The following RYR2 variants were observed in gnomAD, a reference collection of about 807,000 sequenced individuals.
RYR2 encodes ryanodine receptor 2, also known as cardiac muscle ryanodine receptor-calcium release channel.
In RYR2, 227 loss-of-function variants were observed where a neutral mutation model predicts 601.1. That is an observed-to-expected ratio of 0.38 (90% CI 0.34 to 0.42). The LOEUF (loss-of-function observed/expected upper bound fraction) is 0.42, where lower values mean the gene tolerates loss of function less well. Ranked by LOEUF, RYR2 falls within the 10% of genes least tolerant of loss-of-function variation. The probability of loss-of-function intolerance (pLI) is 1.00; values close to 1 mark genes in which losing one functional copy is unlikely to be tolerated. For missense variants in RYR2, 4,646 were observed against 6,156.5 expected (o/e 0.75, Z 8.21); for synonymous variants, 2,223 against 2,175.1 (o/e 1.02, Z -0.61).
At chr1:237,062,351 A>G (rs1040566044) in intron 1 of RYR2, among the ~76,000 whole-genome samples, 2 of 152,000 alleles carry the variant, frequency 1.3e-5, no homozygotes, top group Non-Finnish European at 2.9e-5. Context: ...CGATATTAAG[A>G]CTCCCAATCT....
chr1:237,478,000 G>T (rs1025316539), intron 17 of RYR2, among the ~76,000 whole-genome samples: 5 of 152,152 alleles, frequency 3.3e-5, no homozygotes, highest in East Asian at 1.9e-4. Context: ...CCCATGAAAG[G>T]TACCTGCTCT....
At chr1:237,191,282 T>G (rs1679943112) in intron 1 of RYR2, among the ~76,000 whole-genome samples, 1 of 152,208 alleles carries the variant, frequency 6.6e-6, no homozygotes, top group African/African-American at 2.4e-5. Context: ...TAAGTTTCTG[T>G]GCCACTACCA....
At chr1:237,242,430 A>G (rs1452134094) in intron 1 of RYR2, among the ~76,000 whole-genome samples, 1 of 152,086 alleles carries the variant, frequency 6.6e-6, no homozygotes, top group Non-Finnish European at 1.5e-5. Context: ...AGACCAGGAC[A>G]ATTTTAGGAT....
At chr1:237,363,347 T>G (rs1298552911) in intron 4 of RYR2, among the ~76,000 whole-genome samples, 1 of 152,112 alleles carries the variant, frequency 6.6e-6, no homozygotes, top group Non-Finnish European at 1.5e-5. Flanking sequence ...GAAAGCTTCT[T>G]TACAATTTTT....
intron 8 of RYR2, among the ~76,000 whole-genome samples, chr1:237,378,288 G>A (rs182151529): frequency 1.3e-5 from 2 of 152,262 alleles, no homozygotes; most frequent in African/African-American, 2.4e-5. Flanking sequence ...GGACACAGCC[G>A]AACCATATCA....
rs748762074 is a variant in RYR2 at position 237,496,650 on chromosome 1, G to C, written c.2101G>C (p.Glu701Gln). 6.2e-7 allele frequency: 1 copy of C among 1,613,968 alleles called. No homozygotes were observed. Among genetic ancestry groups the C allele is most frequent in the Non-Finnish European group, 8.5e-7 (1 of 1,179,892 alleles). The change falls in exon 20 of 105, where the codon GAA (glutamate) becomes CAA (glutamine). Residue 701 changes from glutamate to glutamine, a missense_variant. Glu to Gln is a conservative substitution (Grantham distance 29). Coordinates refer to ENST00000366574, the MANE Select transcript of RYR2 (RefSeq NM_001035.3). Reference sequence around the variant, plus strand: ...CCTGCGAGTGGGCTGGGCTTCCACTGAAGGATATTCTCCCTACCCTGGAGG... The same window carrying C: ...CCTGCGAGTGGGCTGGGCTTCCACTCAAGGATATTCTCCCTACCCTGGAGG... ...THLRVGWAST[E>Q]GYSPYPGGGE...
chr1:237,493,671 C>T (rs1229149454), intron 19 of RYR2, among the ~76,000 whole-genome samples: 1 of 152,162 alleles, frequency 6.6e-6, no homozygotes, highest in South Asian at 2.1e-4. Flanking sequence ...CCAGGATGGT[C>T]TCGAACTCCT....
At chr1:237,259,558 C>T (rs1367002413) in intron 1 of RYR2, among the ~76,000 whole-genome samples, 1 of 148,996 alleles carries the variant, frequency 6.7e-6, no homozygotes, top group African/African-American at 2.5e-5. Context: ...GAGAGACTAC[C>T]GTCACCTTGT....
intron 4 of RYR2, among the ~76,000 whole-genome samples, chr1:237,358,145 G>A (rs1699461376): frequency 6.6e-6 from 1 of 152,120 alleles, no homozygotes; most frequent in South Asian, 2.1e-4. Flanking sequence ...TGCCCCTTGA[G>A]TTAAATTAGA....
Position 237,610,325 on chromosome 1 carries a change from C to T in RYR2, c.4684-437C>T, listed in dbSNP as rs544862036. On this transcript the variant is annotated intron_variant, in intron 35 of 104. Coordinates refer to ENST00000366574, the MANE Select transcript of RYR2 (RefSeq NM_001035.3). This position sits in a 1 kb window ranked among gnomAD's most constrained non-coding sequence, Gnocchi z 4.9. ...CTGGCTAGAGGAAGTGTCTTAAGGA[C>T]GAGTTGGGTGACAGAGAACAGATAT... Among the ~76,000 whole-genome samples the T allele has an allele frequency of 5.9e-5, 9 of 152,178 alleles. No individual in the cohort carries two copies. The highest frequency in any genetic ancestry group is 1.3e-4 in the Admixed American group (2 of 15,294).
chr1:237,287,862 A>AT (rs950460079), intron 2 of RYR2, among the ~76,000 whole-genome samples: 7 of 152,000 alleles, frequency 4.6e-5, no homozygotes, highest in African/African-American at 1.7e-4. Flanking sequence ...AACTAATGTG[A>AT]TTTTTGTGGA....
chr1:237,135,661 C>T (rs1672693242), intron 1 of RYR2, among the ~76,000 whole-genome samples: 1 of 152,024 alleles, frequency 6.6e-6, no homozygotes, highest in Admixed American at 6.6e-5. Context: ...GAGGCATGAG[C>T]CACCGCGCCC....
chr1:237,568,940 T>C (rs1219836815), intron 28 of RYR2, among the ~76,000 whole-genome samples: 2 of 152,178 alleles, frequency 1.3e-5, no homozygotes, highest in African/African-American at 2.4e-5. Context: ...TTCGATAATA[T>C]ACCATGTTAA....
In RYR2 at chr1:237,592,102, T is replaced by G. The variant is rs2618714; in HGVS notation, c.4275+249T>G. Among the ~76,000 whole-genome samples, 60,416 of 152,074 alleles carry G rather than the reference T, an allele frequency of 0.4. 13,471 individuals carry two copies. The highest frequency in any genetic ancestry group is 0.5 in the Admixed American group (7,695 of 15,286). ...TGCATAATCTTAATTTTGCTCTGTT[T>G]CTTGACAAAATTTTAAATTGCCCTT... On this transcript the variant is annotated intron_variant, in intron 32 of 104. Coordinates refer to ENST00000366574, the MANE Select transcript of RYR2 (RefSeq NM_001035.3).
intron 26 of RYR2, 86 bp from the exon 27 acceptor site, chr1:237,550,458 A>C: frequency 3.4e-6 from 5 of 1,449,312 alleles, no homozygotes; most frequent in Non-Finnish European, 4.7e-6. Context: ...TTCTCATGGA[A>C]TTTAAAGTTT....
At chr1:237,452,068 T>C (rs1330785242) in intron 14 of RYR2, among the ~76,000 whole-genome samples, 2 of 74,996 alleles carry the variant, frequency 2.7e-5, no homozygotes, top group Non-Finnish European at 5.8e-5. Context: ...GGGGAATATA[T>C]ATAAAATTTT....
At chr1:237,354,357 G>A (rs901995224) in intron 3 of RYR2, among the ~76,000 whole-genome samples, 38 of 152,024 alleles carry the variant, frequency 2.5e-4, no homozygotes, top group African/African-American at 9.2e-4. Flanking sequence ...GTGTGTGTGT[G>A]TGTATGCATG....
At chr1:237,679,564 G>C (rs927575418) in intron 61 of RYR2, among the ~76,000 whole-genome samples, 7 of 152,150 alleles carry the variant, frequency 4.6e-5, no homozygotes, top group Admixed American at 4.6e-4. Context: ...ACAAACAGAA[G>C]AGACCAGTTA....
At chr1:237,506,000 C>T (rs1013071199) in intron 22 of RYR2, among the ~76,000 whole-genome samples, 2 of 151,670 alleles carry the variant, frequency 1.3e-5, no homozygotes, top group African/African-American at 2.4e-5. Flanking sequence ...CTCAAAGATC[C>T]GATGGACTAT....
Sources: allele counts gnomAD v4.1 joint callset (sites outside exome capture counted in the v4.1 genomes callset), GRCh38; gene constraint gnomAD v4.1.1; non-coding constraint Gnocchi (gnomAD v3.1); transcripts MANE v1.5; gene names NCBI Gene and HGNC (gene_info 2026-07-23, HGNC 2026-07-21).